Variants in CNBD1 observed in about 807,000 individuals in gnomAD.
CNBD1 encodes cyclic nucleotide-binding domain-containing protein 1.
A neutral mutation model predicts 54.4 loss-of-function variants in CNBD1; 71 were observed. That is an observed-to-expected ratio of 1.30 (90% CI 1.08 to 1.59). CNBD1 has a LOEUF of 1.59. CNBD1 is among the 40% of genes most tolerant of loss of function. The pLI is 0.00. For missense variants in CNBD1, 659 were observed against 518.0 expected, an observed-to-expected ratio of 1.27 and a Z score of -2.64; for synonymous variants, 182 against 170.7, an observed-to-expected ratio of 1.07 and a Z score of -0.51.
intron 4 of CNBD1, among the ~76,000 whole-genome samples, chr8:87,052,074 T>G (rs961807237): frequency 6.6e-6 from 1 of 152,206 alleles, no homozygotes; most frequent in Non-Finnish European, 1.5e-5. Flanking sequence ...CTTACCACAC[T>G]GGTAACAATT....
At chr8:86,967,859 TC>T (rs1808124062) in intron 4 of CNBD1, among the ~76,000 whole-genome samples, 1 of 151,976 alleles carries the variant, frequency 6.6e-6, no homozygotes, top group South Asian at 2.1e-4. Flanking sequence ...TGCTAGTAGC[TC>T]TGTAATTTTT....
chr8:87,045,403 A>T (rs1461497616), intron 4 of CNBD1, among the ~76,000 whole-genome samples: 1 of 152,176 alleles, frequency 6.6e-6, no homozygotes, highest in Non-Finnish European at 1.5e-5. Context: ...TTGATTCTTA[A>T]GCACCTGTAA....
chr8:87,256,013 ATATTTTTTTT>A (rs1808014452), intron 6 of CNBD1, among the ~76,000 whole-genome samples: 2 of 18,170 alleles, frequency 1.1e-4, no homozygotes, highest in Non-Finnish European at 8.5e-5. Context: ...ATATATATAT[ATATTTTTTTT>A]TTTTTTTTTT....
chr8:87,337,142 G>A (rs975701461), intron 8 of CNBD1, among the ~76,000 whole-genome samples: 1 of 152,284 alleles, frequency 6.6e-6, no homozygotes, highest in African/African-American at 2.4e-5. Context: ...TGTATAGGAT[G>A]TCTGATAATC....
At chr8:87,330,558 G>A (rs991966595) in intron 8 of CNBD1, among the ~76,000 whole-genome samples, 9 of 152,102 alleles carry the variant, frequency 5.9e-5, no homozygotes, top group Non-Finnish European at 1.3e-4. Flanking sequence ...TTGTTTAGCG[G>A]TGTGTTGTTT....
intron 2 of CNBD1, among the ~76,000 whole-genome samples, chr8:86,892,923 G>C (rs73268026): frequency 6.6e-6 from 1 of 152,216 alleles, no homozygotes; most frequent in East Asian, 1.9e-4. Flanking sequence ...TGAAGAGATA[G>C]GGGACTTTTA....
intron 2 of CNBD1, among the ~76,000 whole-genome samples, chr8:87,425,787 G>A (rs1371922033): frequency 1.3e-5 from 2 of 151,706 alleles, no homozygotes; most frequent in Non-Finnish European, 2.9e-5. Flanking sequence ...TCTGTGCCCT[G>A]CCCCCAGAGG....
intron 2 of CNBD1, among the ~76,000 whole-genome samples, chr8:87,399,384 C>T (rs1271517176): frequency 6.6e-6 from 1 of 151,940 alleles, no homozygotes; most frequent in Non-Finnish European, 1.5e-5. Flanking sequence ...TCTGTTCTCC[C>T]CAACACCACC....
rs761852236 is a variant in CNBD1, at chr8:87,092,543, G to GTA, written c.432-113437_432-113436dup. ...TGTGTGTGTATGTATGTATGTGTGT[G>GTA]TATATATATATATACACATATGTGT... On this transcript the variant is annotated intron_variant, in intron 4 of 10. Coordinates refer to ENST00000518476, the MANE Select transcript of CNBD1 (RefSeq NM_173538.3). Among the ~76,000 whole-genome samples the GTA allele has an allele frequency of 4.1e-3, 422 of 103,392 alleles. 2 individuals carry two copies. The highest frequency in any genetic ancestry group is 0.014 in the African/African-American group (359 of 25,670). 67.8% of individuals were successfully genotyped at this position (103,392 alleles called of 152,430 possible).
At chr8:86,927,422 T>C (rs547367849) in intron 3 of CNBD1, among the ~76,000 whole-genome samples, 4 of 152,008 alleles carry the variant, frequency 2.6e-5, no homozygotes, top group Non-Finnish European at 5.9e-5. Context: ...TGATGATTTT[T>C]GGGGGCCCTG....
chr8:87,126,889 A>T (rs1812000581), intron 4 of CNBD1, among the ~76,000 whole-genome samples: 1 of 151,904 alleles, frequency 6.6e-6, no homozygotes, highest in Non-Finnish European at 1.5e-5. Context: ...TTTATTGAAA[A>T]ACTATTATTT....
chr8:87,208,206 T>C lies in CNBD1; in HGVS notation c.577+2068T>C, dbSNP rs1052895153. Among the ~76,000 whole-genome samples, 4 of 152,272 alleles carry C rather than the reference T, an allele frequency of 2.6e-5. No individual in the cohort carries two copies. In the East Asian group the frequency reaches 7.7e-4, roughly 29 times the overall value. On this transcript the variant is annotated intron_variant, in intron 5 of 10. Coordinates refer to ENST00000518476, the MANE Select transcript of CNBD1 (RefSeq NM_173538.3). ...TCTGGTCTCTTTTCTGGCCACTAGT[T>C]CTTAAAGCCTCATTATTTAATAAAG... is the stretch of plus-strand genomic sequence containing the variant.
At chr8:86,868,030 T>C (rs1808389098) in intron 1 of CNBD1, among the ~76,000 whole-genome samples, 1 of 152,204 alleles carries the variant, frequency 6.6e-6, no homozygotes, top group Non-Finnish European at 1.5e-5. Flanking sequence ...CCTTAATAAC[T>C]GTGTCTTTTT....
intron 4 of CNBD1, among the ~76,000 whole-genome samples, chr8:87,101,124 A>G (rs1811421163): frequency 6.6e-6 from 1 of 152,218 alleles, no homozygotes; most frequent in Non-Finnish European, 1.5e-5. Flanking sequence ...TATTTCTAAC[A>G]CAATTTCAAG....
intron 6 of CNBD1, among the ~76,000 whole-genome samples, chr8:87,267,135 T>C (rs1452086326): frequency 6.6e-6 from 1 of 152,142 alleles, no homozygotes; most frequent in African/African-American, 2.4e-5. Flanking sequence ...ATACCTGGAA[T>C]GTATAGTGAT....
At chr8:87,395,876 C>T (rs1811400676) in intron 2 of CNBD1, among the ~76,000 whole-genome samples, 1 of 151,872 alleles carries the variant, frequency 6.6e-6, no homozygotes, top group African/African-American at 2.4e-5. Flanking sequence ...CTCACAGGAT[C>T]TGATCATTTT....
intron 5 of CNBD1, among the ~76,000 whole-genome samples, chr8:87,219,917 T>C (rs1382152729): frequency 2.6e-5 from 4 of 151,994 alleles, no homozygotes; most frequent in East Asian, 1.9e-4. Context: ...CTAGTTCATA[T>C]ATTTTACAAG....
At chr8:86,867,766 A>G (rs996996400) in intron 1 of CNBD1, among the ~76,000 whole-genome samples, 1 of 152,220 alleles carries the variant, frequency 6.6e-6, no homozygotes, top group Non-Finnish European at 1.5e-5. Flanking sequence ...AAAGCCCAGG[A>G]AACTCGGTAG....
At chr8:86,979,142 A>AT (rs1808410053) in intron 4 of CNBD1, among the ~76,000 whole-genome samples, 1 of 152,088 alleles carries the variant, frequency 6.6e-6, no homozygotes, top group South Asian at 2.1e-4. Context: ...CAAAAAGTTT[A>AT]TATTTTCCCT....
Sources: allele counts gnomAD v4.1 joint callset (sites outside exome capture counted in the v4.1 genomes callset), GRCh38; gene constraint gnomAD v4.1.1; transcripts MANE v1.5; gene names NCBI Gene and HGNC (gene_info 2026-07-23, HGNC 2026-07-21).